SIPA1L1: variants seen among roughly 807,000 people sequenced by gnomAD.
SIPA1L1 encodes the protein signal-induced proliferation-associated 1-like protein 1.
Under a neutral mutation model 162.7 loss-of-function variants are expected in SIPA1L1, and 26 were observed. The observed-to-expected ratio is 0.16, with a 90% CI of 0.12 to 0.22. The LOEUF (loss-of-function observed/expected upper bound fraction) is 0.22. Ranked by LOEUF, SIPA1L1 falls within the 10% of genes least tolerant of loss-of-function variation. The pLI, the probability that SIPA1L1 is intolerant of heterozygous loss-of-function variation, is 1.00. For synonymous variants in SIPA1L1, 829 were observed against 837.4 expected, an observed-to-expected ratio of 0.99 and a Z score of 0.17; for missense variants, 1,874 against 2,241.0, an observed-to-expected ratio of 0.84 and a Z score of 3.31.
intron 13 of SIPA1L1, among the ~76,000 whole-genome samples, chr14:71,698,364 G>A (rs886504831): frequency 1.3e-5 from 2 of 152,176 alleles, no homozygotes; most frequent in African/African-American, 4.8e-5. Context: ...CCCATGTGGA[G>A]CACACTTCTA....
intron 2 of SIPA1L1, among the ~76,000 whole-genome samples, chr14:71,441,033 T>C (rs1312763773): frequency 1.3e-5 from 2 of 152,206 alleles, no homozygotes; most frequent in Non-Finnish European, 2.9e-5. Context: ...AAAAAACAAA[T>C]TTCAGACTTA....
chr14:71,364,949 G>T (rs1422550871), intron 2 of SIPA1L1, among the ~76,000 whole-genome samples: 1 of 152,042 alleles, frequency 6.6e-6, no homozygotes, highest in African/African-American at 2.4e-5. Context: ...TTTCACCCAT[G>T]TTGGCCAGGC....
At chr14:71,509,645 G>A (rs538092447) in intron 2 of SIPA1L1, among the ~76,000 whole-genome samples, 37 of 151,876 alleles carry the variant, frequency 2.4e-4, no homozygotes, top group Non-Finnish European at 2.6e-4. Flanking sequence ...TAGGGAGGCT[G>A]AGGCAGGAGA....
chr14:71,404,816 C>A (rs1348700892), intron 2 of SIPA1L1, among the ~76,000 whole-genome samples: 1 of 152,126 alleles, frequency 6.6e-6, no homozygotes, highest in Non-Finnish European at 1.5e-5. Context: ...ATTCCTTGGG[C>A]ACCATTAAAT....
At chr14:71,431,123 T>C (rs1455877226) in intron 2 of SIPA1L1, among the ~76,000 whole-genome samples, 2 of 152,216 alleles carry the variant, frequency 1.3e-5, no homozygotes, top group African/African-American at 2.4e-5. Context: ...GCTTTTAGCA[T>C]GTTAACTCCT....
chr14:71,418,648 C>T (rs573802873), intron 2 of SIPA1L1, among the ~76,000 whole-genome samples: 26 of 152,246 alleles, frequency 1.7e-4, no homozygotes, highest in African/African-American at 6.3e-4. Context: ...TCTCGAAGGG[C>T]TTAGGAAACA....
At chr14:71,541,630 G>C (rs868333332) in intron 4 of SIPA1L1, among the ~76,000 whole-genome samples, 1 of 151,896 alleles carries the variant, frequency 6.6e-6, no homozygotes, top group African/African-American at 2.4e-5. Context: ...AAAATTAGCC[G>C]GGCATGTTGG....
chr14:71,570,827 C>T (rs980865091), intron 4 of SIPA1L1, among the ~76,000 whole-genome samples: 1 of 152,126 alleles, frequency 6.6e-6, no homozygotes, highest in South Asian at 2.1e-4. Context: ...CGCTCTATCA[C>T]CCAGGCTGGG....
intron 2 of SIPA1L1, among the ~76,000 whole-genome samples, chr14:71,383,101 A>G (rs1206775282): frequency 6.6e-6 from 1 of 152,178 alleles, no homozygotes; most frequent in East Asian, 1.9e-4. Context: ...TACATTGTCT[A>G]GTGAGGAAAA....
chr14:71,690,663 A>AT (rs1007977137), intron 13 of SIPA1L1, among the ~76,000 whole-genome samples: 3 of 151,890 alleles, frequency 2.0e-5, no homozygotes, highest in South Asian at 2.1e-4. Context: ...GGTATTCCTG[A>AT]TTTTTTTTGT....
intron 2 of SIPA1L1, among the ~76,000 whole-genome samples, chr14:71,331,646 A>G (rs1479061132): frequency 6.6e-6 from 1 of 152,206 alleles, no homozygotes; most frequent in Non-Finnish European, 1.5e-5. Flanking sequence ...ACTCTGTGTC[A>G]GTTGCATCAC....
intron 16 of SIPA1L1, among the ~76,000 whole-genome samples, chr14:71,706,455 T>A (rs2082444718): frequency 6.6e-6 from 1 of 152,226 alleles, no homozygotes; most frequent in African/African-American, 2.4e-5. Context: ...TAAAATTACA[T>A]ATATGGTTCC....
Position 71,377,185 on chromosome 14 carries a change from G to GGCCGGGTGGGGGCGCCC in SIPA1L1, c.-465+56005_-465+56021dup, listed in dbSNP as rs1420816830. ...GCCCCCACCTCCCAGATGGGGCGGCGGCCGGGTGGGGGCGCCCCCCCACCT... is the reference window on the plus strand; with the variant it reads ...GCCCCCACCTCCCAGATGGGGCGGCGGCCGGGTGGGGGCGCCCGCCGGGTGGGGGCGCCCCCCCACCT... On this transcript the variant is annotated intron_variant, in intron 2 of 23. Coordinates refer to ENST00000381232, the MANE Select transcript of SIPA1L1 (RefSeq NM_001386936.1). This position sits in a 1 kb window ranked among gnomAD's most constrained non-coding sequence, Gnocchi z 4.8. Among the ~76,000 whole-genome samples the GGCCGGGTGGGGGCGCCC allele has an allele frequency of 4.7e-5, 7 of 150,152 alleles. No homozygotes were observed. In the East Asian group the frequency reaches 1.2e-3, roughly 26 times the overall value.
At chr14:71,548,885 CAAAAAAAAAA>C (rs774158181) in intron 4 of SIPA1L1, among the ~76,000 whole-genome samples, 1 of 65,368 alleles carries the variant, frequency 1.5e-5, no homozygotes, top group African/African-American at 5.5e-5. Context: ...AGACTGTCTC[CAAAAAAAAAA>C]AAAAAAAAAA....
At chr14:71,664,714 A>G (rs1296442029) in intron 10 of SIPA1L1, among the ~76,000 whole-genome samples, 2 of 152,176 alleles carry the variant, frequency 1.3e-5, no homozygotes, top group Non-Finnish European at 2.9e-5. Flanking sequence ...CTTGGTCCCA[A>G]CTTTCTCCAC....
chr14:71,534,964 C>G (rs556062912), intron 4 of SIPA1L1, among the ~76,000 whole-genome samples: 1 of 152,324 alleles, frequency 6.6e-6, no homozygotes, highest in East Asian at 1.9e-4. Flanking sequence ...TCATTTAATA[C>G]ACTATTCTCA....
intron 2 of SIPA1L1, among the ~76,000 whole-genome samples, chr14:71,495,899 AAAAAAAAAAAAAAAG>A (rs901131569): frequency 2.7e-5 from 4 of 146,678 alleles, no homozygotes; most frequent in African/African-American, 7.4e-5. Context: ...AAAAAAAAAA[AAAAAAAAAAAAAAAG>A]AAGAAGAAAG....
chr14:71,473,499 C>G (rs913667072), intron 2 of SIPA1L1, among the ~76,000 whole-genome samples: 73 of 152,268 alleles, frequency 4.8e-4, no homozygotes, highest in African/African-American at 1.7e-3. Context: ...TTTTCTGATT[C>G]AAATTTATTG....
At chr14:71,572,972 G>A (rs1981588) in intron 4 of SIPA1L1, among the ~76,000 whole-genome samples, 127,027 of 152,210 alleles carry the variant, frequency 0.83, 53,588 homozygotes, top group African/African-American at 0.95. Context: ...GAAGCATGCT[G>A]ATTTCTCATC....
Sources: allele counts gnomAD v4.1 joint callset (sites outside exome capture counted in the v4.1 genomes callset), GRCh38; gene constraint gnomAD v4.1.1; non-coding constraint Gnocchi (gnomAD v3.1); transcripts MANE v1.5; gene names NCBI Gene and HGNC (gene_info 2026-07-23, HGNC 2026-07-21).